DENND1A: variants seen among roughly 807,000 people sequenced by gnomAD.
DENND1A encodes DENN domain containing 1A, also known as DENN domain-containing protein 1A.
DENND1A carries 51 observed loss-of-function variants against 113.7 expected under a neutral mutation model. That is an observed-to-expected ratio of 0.45 (90% confidence interval 0.36 to 0.57). The LOEUF (loss-of-function observed/expected upper bound fraction) is 0.57. Among genes scored for constraint, DENND1A ranks in the 20% least tolerant of loss-of-function variants. DENND1A has a pLI of 0.00. For missense variants in DENND1A, 1,258 were observed against 1,395.9 expected, an observed-to-expected ratio of 0.90 and a Z score of 1.57; for synonymous variants, 565 against 570.8, an observed-to-expected ratio of 0.99 and a Z score of 0.14.
intron 4 of DENND1A, among the ~76,000 whole-genome samples, chr9:123,768,844 C>T (rs767770176): frequency 1.4e-5 from 2 of 147,438 alleles, no homozygotes; most frequent in East Asian, 2.0e-4. Flanking sequence ...ACCAGTGGCT[C>T]GTTAAAAAGA....
chr9:123,842,345 A>C (rs1287430515), intron 2 of DENND1A, among the ~76,000 whole-genome samples: 1 of 152,218 alleles, frequency 6.6e-6, no homozygotes. Flanking sequence ...CTGCAAGTAC[A>C]ATGTATGAGA....
chr9:123,520,216 A>T (rs546922029), intron 13 of DENND1A, among the ~76,000 whole-genome samples: 2 of 149,992 alleles, frequency 1.3e-5, no homozygotes, highest in South Asian at 2.1e-4. Flanking sequence ...CAGCATTTTC[A>T]GAGGCTGAGG....
chr9:123,926,674 GT>G (rs61507628), intron 1 of DENND1A, among the ~76,000 whole-genome samples: 14 of 147,696 alleles, frequency 9.5e-5, no homozygotes, highest in African/African-American at 3.0e-4. Flanking sequence ...TTCCTCAAGG[GT>G]TTTTTTTTTA....
intron 8 of DENND1A, among the ~76,000 whole-genome samples, chr9:123,666,231 A>G (rs1448824519): frequency 6.6e-6 from 1 of 152,248 alleles, no homozygotes; most frequent in Non-Finnish European, 1.5e-5. Context: ...CAATTTTAAA[A>G]AAGTAATCAA....
chr9:123,391,403 G>A (rs2042836416), intron 21 of DENND1A, among the ~76,000 whole-genome samples: 1 of 152,232 alleles, frequency 6.6e-6, no homozygotes, highest in Non-Finnish European at 1.5e-5. Context: ...AATTTCTCAT[G>A]AATTCTTTAC....
chr9:123,807,637 T>C (rs1381671047), intron 2 of DENND1A, among the ~76,000 whole-genome samples: 1 of 152,228 alleles, frequency 6.6e-6, no homozygotes, highest in African/African-American at 2.4e-5. Context: ...CTGCCTTCCA[T>C]ACATGTTTGC....
At chr9:123,619,237 G>A (rs1011376608) in intron 10 of DENND1A, among the ~76,000 whole-genome samples, 59 of 152,190 alleles carry the variant, frequency 3.9e-4, no homozygotes, top group African/African-American at 1.2e-3. Flanking sequence ...ATGAGCCACC[G>A]CACCCAGCCT....
chr9:123,857,978 G>T (rs1844483810), intron 2 of DENND1A, among the ~76,000 whole-genome samples: 1 of 150,810 alleles, frequency 6.6e-6, no homozygotes, highest in Non-Finnish European at 1.5e-5. Context: ...AGAATGGCGT[G>T]AACCCGGGAG....
intron 22 of DENND1A, among the ~76,000 whole-genome samples, chr9:123,386,030 C>G (rs938389718): frequency 6.6e-6 from 1 of 152,110 alleles, no homozygotes; most frequent in Admixed American, 6.6e-5. Flanking sequence ...CGAGCCCTCG[C>G]CGTTATTTAA....
chr9:123,740,942 G>GAGAGAGAGAGAGAGAGAGAA (rs2068971187), intron 5 of DENND1A, among the ~76,000 whole-genome samples: 1 of 146,670 alleles, frequency 6.8e-6, no homozygotes, highest in African/African-American at 2.5e-5. Flanking sequence ...GAGAGAGAGA[G>GAGAGAGAGAGAGAGAGAGAA]TATGGACAGG....
chr9:123,827,652 C>T (rs1443581078), intron 2 of DENND1A, among the ~76,000 whole-genome samples: 2 of 152,064 alleles, frequency 1.3e-5, no homozygotes, highest in Non-Finnish European at 2.9e-5. Flanking sequence ...AAATCCCCAA[C>T]AGGATGAAGA....
intron 2 of DENND1A, among the ~76,000 whole-genome samples, chr9:123,799,349 C>A (rs1012250679): frequency 6.6e-6 from 1 of 152,132 alleles, no homozygotes; most frequent in Non-Finnish European, 1.5e-5. Flanking sequence ...AGTAGTCACT[C>A]GTGGAACAAA....
intron 13 of DENND1A, 107 bp from the exon 14 acceptor site, chr9:123,458,004 CT>C (rs71390436): frequency 0.04 from 22,179 of 556,990 alleles, 2 homozygotes; most frequent in South Asian, 0.058. Flanking sequence ...TTTTCTTTTC[CT>C]TTTTTTTTTT....
At chr9:123,671,868 T>C (rs1298257253) in intron 6 of DENND1A, among the ~76,000 whole-genome samples, 2 of 152,210 alleles carry the variant, frequency 1.3e-5, no homozygotes, top group African/African-American at 2.4e-5. Context: ...CAATATAGGA[T>C]GGTGGCTATG....
rs540235275 is a variant in DENND1A at position 123,474,035 on chromosome 9, C to T, written c.994-16138G>A. On this transcript the variant is annotated intron_variant, in intron 13 of 23. Coordinates refer to ENST00000394215, the MANE Select transcript of DENND1A (RefSeq NM_001352964.2). Reference sequence around the variant, plus strand: ...TTTGAGATGGAGTCTCGCTCTGTCTCCCAGGCTGGAGTGCAATGGTGTAAT... The same window carrying T: ...TTTGAGATGGAGTCTCGCTCTGTCTTCCAGGCTGGAGTGCAATGGTGTAAT... 1.4e-4 allele frequency among the ~76,000 whole-genome samples: 19 copies of T among 138,974 alleles called. No homozygotes were observed. The South Asian group carries it at 4.5e-3, about 33-fold the overall frequency. 91.2% of individuals were successfully genotyped at this position (138,974 alleles called of 152,430 possible). A position where few individuals can be genotyped will look rare whatever the true frequency, so the allele number is the denominator to read the frequency against.
intron 19 of DENND1A, among the ~76,000 whole-genome samples, chr9:123,419,815 C>G (rs2045086937): frequency 6.6e-6 from 1 of 152,228 alleles, no homozygotes; most frequent in Non-Finnish European, 1.5e-5. Flanking sequence ...CACCTAGCCC[C>G]CAGCGCCCAT....
chr9:123,720,264 A>G (rs2067245167), intron 5 of DENND1A, among the ~76,000 whole-genome samples: 1 of 152,174 alleles, frequency 6.6e-6, no homozygotes, highest in South Asian at 2.1e-4. Context: ...TGAAGATAAC[A>G]ACAGGGCAGC....
chr9:123,414,311 C>G, intron 19 of DENND1A: 2 of 1,398,480 alleles, frequency 1.4e-6, no homozygotes, highest in Non-Finnish European at 1.9e-6. Flanking sequence ...CAGACATTAG[C>G]AACCATTACC....
At chr9:123,391,735 C>T (rs1110138) in intron 21 of DENND1A, among the ~76,000 whole-genome samples, 14,019 of 119,062 alleles carry the variant, frequency 0.12, 724 homozygotes, top group Middle Eastern at 0.29. Context: ...CAGGCTTAAA[C>T]TTTTTATTAG....
Sources: allele counts gnomAD v4.1 joint callset (sites outside exome capture counted in the v4.1 genomes callset), GRCh38; gene constraint gnomAD v4.1.1; transcripts MANE v1.5; gene names NCBI Gene and HGNC (gene_info 2026-07-23, HGNC 2026-07-21).